The following ASIC2 variants were observed in gnomAD, a reference collection of about 807,000 sequenced individuals.
ASIC2 encodes the protein acid-sensing ion channel 2.
Under a neutral mutation model 57.3 loss-of-function variants are expected in ASIC2, and 25 were observed. The ratio of observed to expected loss-of-function variants is 0.44; its 90% confidence interval spans 0.32 to 0.61. The LOEUF (loss-of-function observed/expected upper bound fraction) is 0.61, where lower values mean the gene tolerates loss of function less well. Ranked by LOEUF, ASIC2 falls within the 20% of genes least tolerant of loss-of-function variation. The pLI is 0.06. For synonymous variants in ASIC2, 319 were observed against 307.5 expected, an observed-to-expected ratio of 1.04 and a Z score of -0.39; for missense variants, 641 against 738.1, an observed-to-expected ratio of 0.87 and a Z score of 1.52.
At chr17:34,056,921 AAATAC>A (rs1908785134) in intron 1 of ASIC2, among the ~76,000 whole-genome samples, 1 of 152,220 alleles carries the variant, frequency 6.6e-6, no homozygotes, top group South Asian at 2.1e-4. Context: ...TCAAACTTTT[AAATAC>A]AATGATGAAT....
intron 1 of ASIC2, among the ~76,000 whole-genome samples, chr17:33,877,937 A>G (rs1034041302): frequency 2.6e-5 from 4 of 152,196 alleles, no homozygotes; most frequent in African/African-American, 9.7e-5. Flanking sequence ...AAGCAGCAAC[A>G]TTTGCTGTTC....
At chr17:33,832,892 C>T (rs1913158161) in intron 1 of ASIC2, among the ~76,000 whole-genome samples, 1 of 152,056 alleles carries the variant, frequency 6.6e-6, no homozygotes, top group African/African-American at 2.4e-5. Flanking sequence ...ATAGTGGAGA[C>T]TTAGAACCAA....
Position 33,054,818 on chromosome 17 carries a change from G to A in ASIC2, c.988-26426C>T, listed in dbSNP as rs546469711. Among the ~76,000 whole-genome samples the A allele has an allele frequency of 7.2e-4, 109 of 152,280 alleles. No homozygotes were observed. The Middle Eastern group carries it at 0.01, about 14-fold the overall frequency. On this transcript the variant is annotated intron_variant, in intron 3 of 9. Coordinates refer to ENST00000225823, the MANE Select transcript of ASIC2 (RefSeq NM_183377.2). The stretch of plus-strand genomic sequence containing the variant: ...AAATGGGTGTGATCAATTATGCCAC[G>A]GCATGGGAAGAAAAGCCTTTTGCAG...
At chr17:33,172,738 C>T (rs769745493) in intron 1 of ASIC2, among the ~76,000 whole-genome samples, 26 of 152,170 alleles carry the variant, frequency 1.7e-4, no homozygotes, top group Non-Finnish European at 5.9e-5. Flanking sequence ...AAGTGTGGCC[C>T]CCAGACTGGT....
At chr17:33,761,100 C>CA (rs1300739819) in intron 1 of ASIC2, among the ~76,000 whole-genome samples, 1 of 152,172 alleles carries the variant, frequency 6.6e-6, no homozygotes, top group African/African-American at 2.4e-5. Context: ...AATCCAAAGG[C>CA]AGCAGCTCAT....
At chr17:33,312,841 C>A (rs1394249098) in intron 1 of ASIC2, among the ~76,000 whole-genome samples, 1 of 152,120 alleles carries the variant, frequency 6.6e-6, no homozygotes, top group Non-Finnish European at 1.5e-5. Context: ...GAAGCCGAGG[C>A]AGGAGAATCA....
At chr17:34,150,741 T>C (rs1904482302) in intron 1 of ASIC2, among the ~76,000 whole-genome samples, 1 of 152,160 alleles carries the variant, frequency 6.6e-6, no homozygotes, top group Admixed American at 6.5e-5. Context: ...AATGGTTTCC[T>C]GGAGAAGGCT....
chr17:33,477,251 C>G (rs954674960), intron 1 of ASIC2, among the ~76,000 whole-genome samples: 1 of 152,172 alleles, frequency 6.6e-6, no homozygotes. Flanking sequence ...AAATTGATGT[C>G]TATTTACACT....
intron 1 of ASIC2, among the ~76,000 whole-genome samples, chr17:33,916,771 AGTGAAAGTCAAGAGGG>A (rs1346986030): frequency 1.3e-5 from 2 of 152,212 alleles, no homozygotes; most frequent in Non-Finnish European, 2.9e-5. Flanking sequence ...CTAGCAGAGG[AGTGAAAGTCAAGAGGG>A]GAAGGATCAA....
chr17:33,671,892 T>A (rs1907650890), intron 1 of ASIC2, among the ~76,000 whole-genome samples: 1 of 152,208 alleles, frequency 6.6e-6, no homozygotes, highest in East Asian at 1.9e-4. Context: ...TTGAACCTTG[T>A]TTAGTGACTA....
chr17:33,056,406 C>T (rs1027125018), intron 3 of ASIC2, among the ~76,000 whole-genome samples: 2 of 152,172 alleles, frequency 1.3e-5, no homozygotes, highest in East Asian at 1.9e-4. Flanking sequence ...GACCATAACC[C>T]CTGACAGTTT....
At chr17:33,319,723 G>A (rs1906794238) in intron 1 of ASIC2, among the ~76,000 whole-genome samples, 1 of 152,070 alleles carries the variant, frequency 6.6e-6, no homozygotes, top group Non-Finnish European at 1.5e-5. Flanking sequence ...TTGTAGAGAT[G>A]GGGTTTCACC....
At chr17:33,721,353 C>A (rs1003281866) in intron 1 of ASIC2, among the ~76,000 whole-genome samples, 28 of 152,214 alleles carry the variant, frequency 1.8e-4, no homozygotes, top group Non-Finnish European at 2.8e-4. Context: ...GAAGGCATGA[C>A]CATCTGCCTT....
At chr17:34,030,802 TG>T (rs1567794002) in intron 1 of ASIC2, among the ~76,000 whole-genome samples, 1 of 152,204 alleles carries the variant, frequency 6.6e-6, no homozygotes, top group East Asian at 1.9e-4. Flanking sequence ...GCAGAGAGGC[TG>T]GGGGAGGGGC....
chr17:33,160,666 G>C (rs967510972), intron 1 of ASIC2, among the ~76,000 whole-genome samples: 8 of 152,228 alleles, frequency 5.3e-5, no homozygotes, highest in African/African-American at 1.9e-4. Flanking sequence ...AGAGAGGTGG[G>C]ACAGAGCAGG....
chr17:34,076,529 A>G (rs563262778), intron 1 of ASIC2, among the ~76,000 whole-genome samples: 1 of 152,308 alleles, frequency 6.6e-6, no homozygotes, highest in East Asian at 1.9e-4. Flanking sequence ...CAACATCCTG[A>G]AAAAAGTATA....
At chr17:33,061,194 C>G (rs4795736) in intron 3 of ASIC2, among the ~76,000 whole-genome samples, 28,574 of 152,108 alleles carry the variant, frequency 0.19, 2,784 homozygotes, top group Non-Finnish European at 0.21. Flanking sequence ...ACTTCCAACA[C>G]TATGTTGAAT....
chr17:33,852,752 C>T (rs1378514960), intron 1 of ASIC2, among the ~76,000 whole-genome samples: 2 of 152,158 alleles, frequency 1.3e-5, no homozygotes, highest in African/African-American at 2.4e-5. Context: ...CACAGATCTT[C>T]GATGGATACT....
chr17:34,032,736 T>C (rs1411103207), intron 1 of ASIC2, among the ~76,000 whole-genome samples: 1 of 152,112 alleles, frequency 6.6e-6, no homozygotes, highest in Non-Finnish European at 1.5e-5. Flanking sequence ...AAACAGACTT[T>C]AAACCAACAA....
Sources: allele counts gnomAD v4.1 joint callset (sites outside exome capture counted in the v4.1 genomes callset), GRCh38; gene constraint gnomAD v4.1.1; transcripts MANE v1.5; gene names NCBI Gene and HGNC (gene_info 2026-07-23, HGNC 2026-07-21).